DGKB: variants seen among roughly 807,000 people sequenced by gnomAD.
DGKB encodes 90 kDa diacylglycerol kinase.
Under a neutral mutation model 114.3 loss-of-function variants are expected in DGKB, and 67 were observed. That is an observed-to-expected ratio of 0.59 (90% CI 0.48 to 0.72). The LOEUF (loss-of-function observed/expected upper bound fraction) is 0.72. Among genes scored for constraint, DGKB ranks in the 30% least tolerant of loss-of-function variants. DGKB has a pLI of 0.00. For missense variants in DGKB, 907 were observed against 975.2 expected (o/e 0.93, Z 0.93); for synonymous variants, 398 against 323.1 (o/e 1.23, Z -2.49).
chr7:14,268,496 C>T (rs1797839182), intron 23 of DGKB, among the ~76,000 whole-genome samples: 1 of 152,148 alleles, frequency 6.6e-6, no homozygotes, highest in South Asian at 2.1e-4. Flanking sequence ...GGAAGAGGTA[C>T]CCAAAGAGTT....
chr7:14,830,093 A>C (rs926869968), intron 2 of DGKB, among the ~76,000 whole-genome samples: 4 of 152,058 alleles, frequency 2.6e-5, no homozygotes, highest in African/African-American at 9.7e-5. Flanking sequence ...AGGAGAGTGG[A>C]AAGTAAAATG....
chr7:14,345,897 A>C (rs550780282), intron 21 of DGKB, among the ~76,000 whole-genome samples: 2 of 151,656 alleles, frequency 1.3e-5, no homozygotes, highest in East Asian at 3.9e-4. Context: ...ATTTTCTTCT[A>C]TGACTTGATA....
At chr7:14,317,377 T>C (rs1405262871) in intron 23 of DGKB, among the ~76,000 whole-genome samples, 1 of 140,846 alleles carries the variant, frequency 7.1e-6, no homozygotes, top group Admixed American at 7.1e-5. Context: ...ATTGTATATC[T>C]AGAAAACCCC....
At chr7:14,697,661 A>G (rs981737370) in intron 8 of DGKB, among the ~76,000 whole-genome samples, 4 of 151,408 alleles carry the variant, frequency 2.6e-5, no homozygotes, top group Non-Finnish European at 4.4e-5. Context: ...CAAGAGAAAA[A>G]AAAAGAAAAA....
chr7:14,410,211 T>TATATAC (rs1030909709), intron 21 of DGKB, among the ~76,000 whole-genome samples: 2 of 150,500 alleles, frequency 1.3e-5, no homozygotes, highest in Non-Finnish European at 3.0e-5. Context: ...TATATATATA[T>TATATAC]ACACATATAT....
intron 21 of DGKB, among the ~76,000 whole-genome samples, chr7:14,356,071 AT>A (rs1208380179): frequency 6.6e-6 from 1 of 152,014 alleles, no homozygotes; most frequent in Non-Finnish European, 1.5e-5. Flanking sequence ...GCATAGAGGT[AT>A]TTATAGTATT....
intron 2 of DGKB, among the ~76,000 whole-genome samples, chr7:14,825,727 G>A (rs1270391731): frequency 6.6e-6 from 1 of 152,126 alleles, no homozygotes; most frequent in East Asian, 1.9e-4. Context: ...GAGGACCCCT[G>A]TTTTAGATCA....
At chr7:14,773,472 G>C (rs1562498661) in intron 2 of DGKB, among the ~76,000 whole-genome samples, 2 of 152,076 alleles carry the variant, frequency 1.3e-5, no homozygotes, top group African/African-American at 2.4e-5. Context: ...CAGAGTCAGT[G>C]AATTTAAAGT....
At chr7:14,230,716 C>T (rs1584595794) in intron 23 of DGKB, among the ~76,000 whole-genome samples, 1 of 142,320 alleles carries the variant, frequency 7.0e-6, no homozygotes, top group Non-Finnish European at 1.6e-5. Flanking sequence ...CTAGTCTTAT[C>T]TCTTTTCATT....
chr7:14,297,171 T>C (rs1258793725), intron 23 of DGKB, among the ~76,000 whole-genome samples: 6 of 152,084 alleles, frequency 3.9e-5, no homozygotes, highest in Non-Finnish European at 8.8e-5. Flanking sequence ...TTCCTAACAA[T>C]AGCAAAAGAG....
chr7:14,465,795 G>T (rs188709162), intron 21 of DGKB, among the ~76,000 whole-genome samples: 2 of 152,214 alleles, frequency 1.3e-5, no homozygotes, highest in East Asian at 1.9e-4. Flanking sequence ...GCATGACTCC[G>T]CAATAACATC....
intron 2 of DGKB, among the ~76,000 whole-genome samples, chr7:14,835,623 G>A (rs907650994): frequency 6.6e-6 from 1 of 152,136 alleles, no homozygotes; most frequent in African/African-American, 2.4e-5. Flanking sequence ...AAACGGGCAA[G>A]AGGGCTAGCG....
chr7:14,680,333 G>A (rs148793455), intron 12 of DGKB, among the ~76,000 whole-genome samples: 42 of 152,114 alleles, frequency 2.8e-4, no homozygotes, highest in African/African-American at 9.6e-4. Context: ...GGTATTTAGT[G>A]TAAGAATAAA....
chr7:14,389,773 A>C (rs1300823916), intron 21 of DGKB, among the ~76,000 whole-genome samples: 1 of 152,230 alleles, frequency 6.6e-6, no homozygotes. Flanking sequence ...ATTTCTAGTC[A>C]GCCTTCTGGC....
chr7:14,626,444 G>C (rs914080656), intron 14 of DGKB, among the ~76,000 whole-genome samples: 30 of 152,144 alleles, frequency 2.0e-4, no homozygotes, highest in Non-Finnish European at 4.4e-5. Context: ...TTCTGCCACT[G>C]GAGCTAGGCC....
intron 6 of DGKB, among the ~76,000 whole-genome samples, chr7:14,704,064 T>C (rs775133823): frequency 1.3e-5 from 2 of 151,906 alleles, no homozygotes; most frequent in Non-Finnish European, 2.9e-5. Context: ...ATCATTATTT[T>C]TTCTTCTCTC....
At chr7:14,951,792 C>T in intron 1 of DGKB, among the ~76,000 whole-genome samples, 1 of 151,802 alleles carries the variant, frequency 6.6e-6, no homozygotes, top group Non-Finnish European at 1.5e-5. Context: ...ATTTTCTACT[C>T]ATTTTTCCTA....
chr7:14,419,626 G>GAAA (rs35214296), intron 21 of DGKB, among the ~76,000 whole-genome samples: 1 of 142,538 alleles, frequency 7.0e-6, no homozygotes. Flanking sequence ...CACTTAATTT[G>GAAA]AAAAAAAAAA....
At chr7:14,226,741 T>TTTAAC (rs1790863268) in intron 23 of DGKB, among the ~76,000 whole-genome samples, 1 of 152,100 alleles carries the variant, frequency 6.6e-6, no homozygotes, top group Non-Finnish European at 1.5e-5. Context: ...TCCAGTTTCA[T>TTTAAC]TTAACTTATA....
Sources: gnomAD v4.1 joint callset for allele counts (sites outside exome capture counted in the v4.1 genomes callset) on GRCh38, gnomAD v4.1.1 for gene constraint, MANE v1.5 for transcripts, NCBI Gene and HGNC (gene_info 2026-07-23, HGNC 2026-07-21) for gene names.